CRACR2A: variants seen among roughly 807,000 people sequenced by gnomAD.
CRACR2A encodes EF-hand calcium-binding domain-containing protein 4B.
CRACR2A carries 79 observed loss-of-function variants against 90.5 expected under a neutral mutation model. That is an observed-to-expected ratio of 0.87 (90% confidence interval 0.73 to 1.05). The LOEUF (loss-of-function observed/expected upper bound fraction) is 1.05, where lower values mean the gene tolerates loss of function less well. CRACR2A is among the 50% of genes least tolerant of loss of function. The pLI, the probability that CRACR2A is intolerant of heterozygous loss-of-function variation, is 0.00. For synonymous variants in CRACR2A, 338 were observed against 356.7 expected, an observed-to-expected ratio of 0.95 and a Z score of 0.59; for missense variants, 823 against 897.2, an observed-to-expected ratio of 0.92 and a Z score of 1.06.
chr12:3,665,788 G>A (rs1945123575), intron 7 of CRACR2A, among the ~76,000 whole-genome samples: 1 of 152,222 alleles, frequency 6.6e-6, no homozygotes, highest in South Asian at 2.1e-4. Context: ...CAATAGAGAA[G>A]ACTAAATGTG....
chr12:3,634,312 C>G (rs766926860), intron 14 of CRACR2A, among the ~76,000 whole-genome samples: 1 of 152,136 alleles, frequency 6.6e-6, no homozygotes, highest in African/African-American at 2.4e-5. Context: ...CCTCTCCGTC[C>G]ATCTTATCGG....
chr12:3,643,186 C>T (rs191097546), intron 12 of CRACR2A, among the ~76,000 whole-genome samples: 1 of 152,196 alleles, frequency 6.6e-6, no homozygotes, highest in East Asian at 1.9e-4. Context: ...TAATAGTACA[C>T]ACAGGTGGGT....
intron 7 of CRACR2A, among the ~76,000 whole-genome samples, chr12:3,666,344 TGTGTGTGTGTGCGTGC>T (rs1945142398): frequency 1.5e-5 from 2 of 137,680 alleles, no homozygotes; most frequent in South Asian, 2.5e-4. Flanking sequence ...TGTGTGTGTG[TGTGTGTGTGTGCGTGC>T]GTGTGCGCGT....
chr12:3,638,011 A>T (rs910837045), intron 14 of CRACR2A, 113 bp downstream of exon 14: 1 of 1,058,030 alleles, frequency 9.5e-7, no homozygotes, highest in Admixed American at 2.8e-5. Flanking sequence ...GTGGTGAATC[A>T]TAAGACCTGC....
chr12:3,663,397 G>A (rs929603783), intron 7 of CRACR2A, among the ~76,000 whole-genome samples: 6 of 152,184 alleles, frequency 3.9e-5, no homozygotes, highest in Non-Finnish European at 7.4e-5. Flanking sequence ...CAGTGACAGA[G>A]AACTTGCTGT....
intron 11 of CRACR2A, chr12:3,648,131 A>C: frequency 9.8e-7 from 1 of 1,025,298 alleles, no homozygotes. Context: ...TTCCTCTAAT[A>C]TCAACTTCCC....
chr12:3,729,843 CTGT>C (rs1377872738), intron 2 of CRACR2A: 1 of 152,258 alleles, frequency 6.6e-6, no homozygotes, highest in Non-Finnish European at 1.5e-5. Context: ...CACTCTGCTA[CTGT>C]TTCCTTGTCT....
At chr12:3,628,701 A>C (rs370871466) in intron 15 of CRACR2A, among the ~76,000 whole-genome samples, 66 of 152,282 alleles carry the variant, frequency 4.3e-4, no homozygotes, top group African/African-American at 1.1e-3. Flanking sequence ...ACATCCCCCC[A>C]CCACCACCAT....
At chr12:3,628,926 G>C (rs1356940039) in intron 15 of CRACR2A, among the ~76,000 whole-genome samples, 1 of 152,210 alleles carries the variant, frequency 6.6e-6, no homozygotes, top group African/African-American at 2.4e-5. Flanking sequence ...AGACGTGGGA[G>C]GACCATCCAC....
chr12:3,680,189 G>A (rs767674495), intron 5 of CRACR2A, 49 bp downstream of exon 5: 1 of 1,478,650 alleles, frequency 6.8e-7, no homozygotes. Flanking sequence ...CTTATACAGT[G>A]TTAGGTAGAC....
chr12:3,672,198 A>T (rs1448361722), intron 7 of CRACR2A, among the ~76,000 whole-genome samples: 1 of 152,198 alleles, frequency 6.6e-6, no homozygotes, highest in Non-Finnish European at 1.5e-5. Context: ...TTATTTTTAG[A>T]GTTAAGGTCA....
chr12:3,692,668 G>A (rs1218025655), intron 4 of CRACR2A, among the ~76,000 whole-genome samples: 2 of 152,164 alleles, frequency 1.3e-5, no homozygotes, highest in Non-Finnish European at 2.9e-5. Context: ...GCATGGTGGG[G>A]TGCACACTTA....
At chr12:3,708,015 A>T (rs907910613) in intron 3 of CRACR2A, among the ~76,000 whole-genome samples, 2 of 152,214 alleles carry the variant, frequency 1.3e-5, no homozygotes, top group Non-Finnish European at 2.9e-5. Flanking sequence ...ATCCGTTATC[A>T]AGGTGGTATT....
In CRACR2A at chr12:3,654,836, C is replaced by T. The variant is rs140768777; in HGVS notation, c.859-437G>A. ...TAAAACCATCCTTCCCAATTTTGCA[C>T]GCTGATAGCAAATCTATATATTCCC... On this transcript the variant is annotated intron_variant, in intron 9 of 19. Coordinates refer to ENST00000440314, the MANE Select transcript of CRACR2A (RefSeq NM_001144958.2). Among the ~76,000 whole-genome samples the T allele has an allele frequency of 3.2e-3, 491 of 152,318 alleles. 4 individuals are homozygous for T. The highest frequency in any genetic ancestry group is 0.011 in the African/African-American group (443 of 41,570).
intron 6 of CRACR2A, among the ~76,000 whole-genome samples, chr12:3,676,409 T>C (rs975807972): frequency 6.6e-6 from 1 of 152,310 alleles, no homozygotes; most frequent in Admixed American, 6.5e-5. Context: ...TATAGGTTGT[T>C]CCCTGCTGTG....
At chr12:3,733,495 T>G (rs962232031) in intron 1 of CRACR2A, among the ~76,000 whole-genome samples, 4 of 152,150 alleles carry the variant, frequency 2.6e-5, no homozygotes, top group Non-Finnish European at 5.9e-5. Context: ...AGAGGAGCCC[T>G]GCTAGGGGTG....
chr12:3,672,632 T>G (rs1945266302), intron 7 of CRACR2A: 1 of 457,332 alleles, frequency 2.2e-6, no homozygotes, highest in Non-Finnish European at 2.9e-6. Context: ...TGTAAATGTT[T>G]GTTAAAGGAC....
At chr12:3,617,087 G>A (rs1211601221) in intron 18 of CRACR2A, 57 bp from the exon 19 acceptor site, 8 of 1,378,870 alleles carry the variant, frequency 5.8e-6, no homozygotes, top group African/African-American at 4.3e-5. Flanking sequence ...GGATTGTGGG[G>A]GGTGGTGGGA....
Position 3,615,456 on chromosome 12 carries a change from G to T in CRACR2A, c.2112-17C>A. 6.5e-7 allele frequency: 1 copy of T among 1,542,388 alleles called. No individual in the cohort carries two copies. On this transcript the variant is annotated splice_polypyrimidine_tract_variant and intron_variant, in intron 19 of 19. Transcript: ENST00000440314. Reference sequence around the variant, plus strand: ...TTGAGGAACCTGGGAGAGGGGAAGAGATCGTGTCAGTGATGGAGAAGTTGA... The same window carrying T: ...TTGAGGAACCTGGGAGAGGGGAAGATATCGTGTCAGTGATGGAGAAGTTGA...
Sources: gnomAD v4.1 joint callset for allele counts (sites outside exome capture counted in the v4.1 genomes callset) on GRCh38, gnomAD v4.1.1 for gene constraint, MANE v1.5 for transcripts, NCBI Gene and HGNC (gene_info 2026-07-23, HGNC 2026-07-21) for gene names.